LRCH2: variants seen among roughly 807,000 people sequenced by gnomAD.
LRCH2 encodes the protein leucine-rich repeat and calponin homology domain-containing protein 2.
Under a neutral mutation model 68.9 loss-of-function variants are expected in LRCH2, and 38 were observed. The observed-to-expected ratio is 0.55, with a 90% CI of 0.43 to 0.72. LRCH2 has a LOEUF of 0.72. LRCH2 is among the 30% of genes least tolerant of loss of function. LRCH2 has a pLI of 0.00. For synonymous variants in LRCH2, 191 were observed against 208.1 expected (o/e 0.92, Z 0.71); for missense variants, 528 against 572.9 (o/e 0.92, Z 0.80).
Position 115,147,810 on chromosome X carries a change from G to T in LRCH2, c.1695+2017C>A, listed in dbSNP as rs187672997. Among the ~76,000 whole-genome samples the T allele has an allele frequency of 2.5e-3, 279 of 110,923 alleles. 1 individual carries two copies. The highest frequency in any genetic ancestry group is 7.2e-3 in the African/African-American group (220 of 30,549). ...AAATGTCAGTAATCTCAGCACTTTGGGGGGGCCTAGATGGGAGGATCTCTT... is the reference window on the plus strand; with the variant it reads ...AAATGTCAGTAATCTCAGCACTTTGTGGGGGCCTAGATGGGAGGATCTCTT... On this transcript the variant is annotated intron_variant, in intron 14 of 20. Coordinates refer to ENST00000317135, the MANE Select transcript of LRCH2 (RefSeq NM_020871.4).
At chrX:115,178,285 G>A (rs2072666388) in intron 5 of LRCH2, among the ~76,000 whole-genome samples, 1 of 111,394 alleles carries the variant, frequency 9.0e-6, no homozygotes, top group Admixed American at 9.6e-5. Context: ...TTTAATATGG[G>A]AGCTACCAGT....
At chrX:115,197,847 TCACA>T (rs1556564243) in intron 1 of LRCH2, among the ~76,000 whole-genome samples, 80 of 20,564 alleles carry the variant, frequency 3.9e-3, no homozygotes, top group African/African-American at 0.014. Context: ...TCTCTCTCTC[TCACA>T]CACACACACA....
At chrX:115,199,278 C>T (rs1329603483) in intron 1 of LRCH2, among the ~76,000 whole-genome samples, 1 of 111,876 alleles carries the variant, frequency 8.9e-6, no homozygotes, top group Non-Finnish European at 1.9e-5. Context: ...ATTAACAATA[C>T]GACAAGAACA....
At chrX:115,147,378 CTA>C (rs1461443205) in intron 14 of LRCH2, among the ~76,000 whole-genome samples, 3 of 111,289 alleles carry the variant, frequency 2.7e-5, no homozygotes, top group African/African-American at 6.5e-5. Context: ...GGAAAAAAAA[CTA>C]GTGACATACT....
chrX:115,163,181 T>C (rs1441358583), intron 11 of LRCH2, among the ~76,000 whole-genome samples: 1 of 111,596 alleles, frequency 9.0e-6, no homozygotes, highest in Non-Finnish European at 1.9e-5. Flanking sequence ...TTCAACTCCA[T>C]TCTAAGGAGT....
At position 115,191,596 on chromosome X, in the gene LRCH2, A is replaced by C. The variant is rs1556559686; in HGVS notation, c.350-3226T>G. ...GTACCGAGGCCACTCGCTTGATGCC[A>C]ACAGCGGAGGCCGCTCGCCTGACAC... On this transcript the variant is annotated intron_variant, in intron 1 of 20. Transcript: ENST00000317135. The C allele has an allele frequency of 6.5e-6, 7 of 1,083,254 alleles. No individual in the cohort carries two copies. The highest frequency in any genetic ancestry group is 7.3e-6 in the Non-Finnish European group (6 of 817,729). 89.3% of individuals were successfully genotyped at this position (1,083,254 alleles called of 1,213,427 possible).
chrX:115,136,993 C>A (rs2072296064), intron 14 of LRCH2, among the ~76,000 whole-genome samples: 1 of 111,995 alleles, frequency 8.9e-6, no homozygotes, highest in Non-Finnish European at 1.9e-5. Flanking sequence ...AATGTGTAAT[C>A]ATCAAATCAG....
chrX:115,156,676 A>C lies in LRCH2; in HGVS notation c.1464-9T>G. On this transcript the variant is annotated splice_polypyrimidine_tract_variant and intron_variant, in intron 11 of 20. Coordinates refer to ENST00000317135, the MANE Select transcript of LRCH2 (RefSeq NM_020871.4). ...TTGAATGATTAAGAATCCTAGAAGT[A>C]AATCAACACATTAATTCCCAAATCT... is the stretch of plus-strand genomic sequence containing the variant. 9.3e-7 allele frequency: 1 copy of C among 1,080,607 alleles called. No homozygotes were observed. The highest frequency in any genetic ancestry group is 1.2e-6 in the Non-Finnish European group (1 of 813,036). 89.1% of individuals were successfully genotyped at this position (1,080,607 alleles called of 1,213,427 possible).
intron 2 of LRCH2, among the ~76,000 whole-genome samples, chrX:115,186,780 G>T (rs2072734661): frequency 9.6e-6 from 1 of 103,976 alleles, no homozygotes; most frequent in African/African-American, 3.5e-5. Context: ...CAACCCAAAT[G>T]ATTGATATCT....
intron 20 of LRCH2, among the ~76,000 whole-genome samples, chrX:115,122,284 G>GTT (rs2072150838): frequency 9.1e-6 from 1 of 109,746 alleles, no homozygotes; most frequent in Non-Finnish European, 1.9e-5. Context: ...ACCGAGTTAT[G>GTT]TTTGGTCAGT....
chrX:115,196,639 A>G (rs1490127008), intron 1 of LRCH2, among the ~76,000 whole-genome samples: 2 of 111,533 alleles, frequency 1.8e-5, no homozygotes, highest in African/African-American at 6.5e-5. Flanking sequence ...CTTACCTGAA[A>G]GCACCACCTT....
At chrX:115,228,558 G>T (rs2073134092) in intron 1 of LRCH2, among the ~76,000 whole-genome samples, 1 of 111,240 alleles carries the variant, frequency 9.0e-6, no homozygotes, top group Non-Finnish European at 1.9e-5. Context: ...AATCAATTTT[G>T]TAAGTCTTCA....
At chrX:115,195,259 G>A (rs1241339157) in intron 1 of LRCH2, among the ~76,000 whole-genome samples, 1 of 108,131 alleles carries the variant, frequency 9.2e-6, no homozygotes, top group East Asian at 2.9e-4. Flanking sequence ...ACTCCAGCCT[G>A]AGTGACAGAG....
intron 1 of LRCH2, among the ~76,000 whole-genome samples, chrX:115,197,818 GTCTCTCTCTCTC>G (rs1196662958): frequency 7.5e-5 from 1 of 13,418 alleles, no homozygotes; most frequent in Non-Finnish European, 1.4e-4. Flanking sequence ...AACAGAACAA[GTCTCTCTCTCTC>G]TCTCTCTCTC....
chrX:115,185,099 T>C (rs2072721919), intron 2 of LRCH2, among the ~76,000 whole-genome samples: 1 of 112,376 alleles, frequency 8.9e-6, no homozygotes, highest in Non-Finnish European at 1.9e-5. Context: ...TAACAGCCTA[T>C]TAGCACCTTT....
chrX:115,153,616 T>C (rs1480206995), intron 12 of LRCH2, among the ~76,000 whole-genome samples: 2 of 110,365 alleles, frequency 1.8e-5, no homozygotes, highest in African/African-American at 6.6e-5. Context: ...AAAAGTAAAA[T>C]GTATGACAAC....
intron 14 of LRCH2, chrX:115,138,922 C>T (rs1463754770): frequency 2.7e-5 from 3 of 111,837 alleles, no homozygotes; most frequent in Admixed American, 9.5e-5. Context: ...TTTATTACAT[C>T]TAAATTCAAA....
At position 115,113,263 on chromosome X, in the gene LRCH2, G is replaced by A; in HGVS notation, c.2251C>T (p.Leu751Phe). 8.4e-7 allele frequency: 1 copy of A among 1,197,238 alleles called. No homozygotes were observed. The highest frequency in any genetic ancestry group is 1.1e-6 in the Non-Finnish European group (1 of 886,168). Residue 751 changes from leucine to phenylalanine, a missense_variant, in exon 21 of 21, where the codon CTC (leucine) becomes TTC (phenylalanine). By Grantham distance (22) the Leu-to-Phe change is conservative. Coordinates refer to ENST00000317135, the MANE Select transcript of LRCH2 (RefSeq NM_020871.4). ...GCCTTGGTTGTTGGTAATTCAAGGAGCGCCTGAACTGTGACACCAACTTTC... is the reference window on the plus strand; with the variant it reads ...GCCTTGGTTGTTGGTAATTCAAGGAACGCCTGAACTGTGACACCAACTTTC... Reference protein sequence around the residue: ...LVKVGVTVQALLELPTTKASQ... With the variant: ...LVKVGVTVQAFLELPTTKASQ...
chrX:115,143,498 C>G (rs1174398778), intron 14 of LRCH2, among the ~76,000 whole-genome samples: 1 of 111,185 alleles, frequency 9.0e-6, no homozygotes, highest in Non-Finnish European at 1.9e-5. Context: ...AATAGTCTCC[C>G]AGGAAAGAAA....
Sources: gnomAD v4.1 joint callset for allele counts (sites outside exome capture counted in the v4.1 genomes callset) on GRCh38, gnomAD v4.1.1 for gene constraint, MANE v1.5 for transcripts, NCBI Gene and HGNC (gene_info 2026-07-23, HGNC 2026-07-21) for gene names.